WDR41: variants seen among roughly 807,000 people sequenced by gnomAD.
WDR41 encodes the protein WD repeat-containing protein 41.
A neutral mutation model predicts 69.3 loss-of-function variants in WDR41; 63 were observed. The observed-to-expected ratio is 0.91, with a 90% CI of 0.74 to 1.12. The LOEUF is 1.12. WDR41 is among the 50% of genes most tolerant of loss of function. The probability of loss-of-function intolerance (pLI) is 0.00; values close to 1 mark genes in which losing one functional copy is unlikely to be tolerated. For missense variants in WDR41, 543 were observed against 534.5 expected (o/e 1.02, Z -0.16); for synonymous variants, 185 against 192.1 (o/e 0.96, Z 0.31).
chr5:77,445,375 G>C (rs1161930320), intron 8 of WDR41, among the ~76,000 whole-genome samples: 1 of 152,146 alleles, frequency 6.6e-6, no homozygotes, highest in African/African-American at 2.4e-5. Flanking sequence ...ACCATTCCTT[G>C]TGAAACTATT....
At chr5:77,466,670 G>A (rs1800321863) in intron 2 of WDR41, among the ~76,000 whole-genome samples, 1 of 151,794 alleles carries the variant, frequency 6.6e-6, no homozygotes, top group African/African-American at 2.4e-5. Context: ...TCAATCAGTA[G>A]GGAACAAAAG....
At chr5:77,481,784 C>CAAAAA (rs61463461) in intron 2 of WDR41, among the ~76,000 whole-genome samples, 62 of 87,370 alleles carry the variant, frequency 7.1e-4, no homozygotes, top group African/African-American at 2.4e-3. Flanking sequence ...GACTCCGTCT[C>CAAAAA]AAAAAAAAAA....
intron 2 of WDR41, among the ~76,000 whole-genome samples, chr5:77,468,020 C>CA (rs994942241): frequency 3.9e-4 from 59 of 151,076 alleles, no homozygotes; most frequent in South Asian, 1.2e-3. Context: ...AAAAAAAACA[C>CA]AAAAAACAAA....
intron 1 of WDR41, among the ~76,000 whole-genome samples, chr5:77,534,044 C>T (rs1474992517): frequency 1.3e-5 from 2 of 152,050 alleles, no homozygotes; most frequent in Admixed American, 1.3e-4. Context: ...GAATATTAAC[C>T]TATAAAATAC....
chr5:77,513,893 T>C (rs1802247946), intron 1 of WDR41, among the ~76,000 whole-genome samples: 1 of 151,248 alleles, frequency 6.6e-6, no homozygotes, highest in African/African-American at 2.5e-5. Context: ...TAATACCCTA[T>C]GCACATGTCC....
intron 9 of WDR41, 94 bp from the exon 10 acceptor site, chr5:77,438,455 C>T: frequency 6.6e-7 from 1 of 1,513,166 alleles, no homozygotes; most frequent in Non-Finnish European, 8.9e-7. Flanking sequence ...AGAAAGCCAC[C>T]ATTACCTTTC....
intron 1 of WDR41, among the ~76,000 whole-genome samples, chr5:77,586,843 C>T (rs1033608491): frequency 8.6e-5 from 13 of 150,340 alleles, no homozygotes; most frequent in African/African-American, 2.2e-4. Context: ...CTCAGCCTCC[C>T]GAGTAGCTGG....
intron 2 of WDR41, among the ~76,000 whole-genome samples, chr5:77,483,233 GCTAAGGTGATCCTCCCA>G (rs1224104564): frequency 2.0e-5 from 3 of 152,104 alleles, no homozygotes; most frequent in Non-Finnish European, 4.4e-5. Flanking sequence ...AACCTCCTGA[GCTAAGGTGATCCTCCCA>G]CCTCAGCCTC....
chr5:77,451,447 T>G, intron 6 of WDR41, 94 bp from the exon 7 acceptor site: 1 of 1,107,608 alleles, frequency 9.0e-7, no homozygotes, highest in Non-Finnish European at 1.4e-6. Flanking sequence ...TCGTTTTCCA[T>G]AAAGAAGATA....
chr5:77,612,642 C>T (rs1744586652), intron 1 of WDR41, among the ~76,000 whole-genome samples: 1 of 152,132 alleles, frequency 6.6e-6, no homozygotes, highest in South Asian at 2.1e-4. Flanking sequence ...TGGGACATAT[C>T]TCAAAATAAA....
At chr5:77,471,162 G>A (rs906978494) in intron 2 of WDR41, among the ~76,000 whole-genome samples, 6 of 152,152 alleles carry the variant, frequency 3.9e-5, no homozygotes, top group Non-Finnish European at 5.9e-5. Context: ...TGAACAACCT[G>A]CTCCTGAATG....
chr5:77,486,816 T>C (rs536142346), intron 2 of WDR41, among the ~76,000 whole-genome samples: 13 of 152,174 alleles, frequency 8.5e-5, no homozygotes, highest in East Asian at 1.9e-4. Context: ...CTAGCCCGAA[T>C]TGCCATCCTG....
chr5:77,492,086 T>G, intron 1 of WDR41, 84 bp downstream of exon 1: 1 of 1,523,230 alleles, frequency 6.6e-7, no homozygotes. Flanking sequence ...GTCCCCGCGG[T>G]CGGAACCCAG....
intron 8 of WDR41, among the ~76,000 whole-genome samples, chr5:77,449,114 G>C (rs1002022089): frequency 1.3e-5 from 2 of 152,140 alleles, no homozygotes; most frequent in Admixed American, 6.5e-5. Flanking sequence ...ATCTGCAAGT[G>C]AACTGAATGT....
At chr5:77,508,377 G>A in intron 1 of WDR41, among the ~76,000 whole-genome samples, 1 of 152,290 alleles carries the variant, frequency 6.6e-6, no homozygotes, top group East Asian at 1.9e-4. Context: ...TTCTCCCAAA[G>A]TGCTAGGATG....
At chr5:77,468,796 G>A (rs1371908977) in intron 2 of WDR41, among the ~76,000 whole-genome samples, 2 of 152,174 alleles carry the variant, frequency 1.3e-5, no homozygotes, top group African/African-American at 2.4e-5. Context: ...TCTAATGCAT[G>A]ATAAAACTAA....
chr5:77,438,151 A>G, intron 10 of WDR41, 89 bp downstream of exon 10: 4 of 1,573,042 alleles, frequency 2.5e-6, no homozygotes, highest in Non-Finnish European at 2.6e-6. Flanking sequence ...CCATGAAGCC[A>G]GGTAACTTGG....
chr5:77,450,252 C>T lies in WDR41; in HGVS notation c.587-382G>A, dbSNP rs562315377. 6.2e-4 allele frequency among the ~76,000 whole-genome samples: 95 copies of T among 152,316 alleles called. 2 individuals carry two copies. Among genetic ancestry groups the T allele is most frequent in the Middle Eastern group, 3.4e-3 (1 of 294 alleles). ...CAGCTTTCTCTACTCATGTCTCTTA[C>T]TCATGTAAGCATTGCGACAGAATAA... On this transcript the variant is annotated intron_variant, in intron 7 of 12. Transcript: ENST00000296679.
chr5:77,441,975 A>G (rs1454495711), intron 8 of WDR41, among the ~76,000 whole-genome samples: 3 of 152,234 alleles, frequency 2.0e-5, no homozygotes, highest in African/African-American at 7.2e-5. Flanking sequence ...AAAGAAATCT[A>G]AAAACAAGGA....
Sources: allele counts gnomAD v4.1 joint callset (sites outside exome capture counted in the v4.1 genomes callset), GRCh38; gene constraint gnomAD v4.1.1; transcripts MANE v1.5; gene names NCBI Gene and HGNC (gene_info 2026-07-23, HGNC 2026-07-21).